JHY: variants seen among roughly 807,000 people sequenced by gnomAD.
The protein encoded by JHY is jhy protein homolog.
A neutral mutation model predicts 78.0 loss-of-function variants in JHY; 69 were observed. That is an observed-to-expected ratio of 0.88 (90% CI 0.73 to 1.08). The LOEUF is 1.08. Ranked by LOEUF, JHY falls within the 50% of genes least tolerant of loss-of-function variation. JHY has a pLI of 0.00. For synonymous variants in JHY, 368 were observed against 342.6 expected (o/e 1.07, Z -0.82); for missense variants, 944 against 927.8 (o/e 1.02, Z -0.23).
chr11:122,910,262 G>A (rs1038293741), intron 3 of JHY, among the ~76,000 whole-genome samples: 3 of 152,042 alleles, frequency 2.0e-5, no homozygotes, highest in African/African-American at 7.2e-5. Context: ...ATCACTTGAG[G>A]TCACAAGTTT....
chr11:122,894,634 A>G (rs866313663), intron 2 of JHY, among the ~76,000 whole-genome samples: 17 of 152,344 alleles, frequency 1.1e-4, no homozygotes, highest in Middle Eastern at 6.8e-3. Context: ...TTACATTGCA[A>G]TTACAAACAT....
At chr11:122,930,390 T>C (rs1209692950) in intron 4 of JHY, among the ~76,000 whole-genome samples, 3 of 152,190 alleles carry the variant, frequency 2.0e-5, no homozygotes, top group African/African-American at 7.2e-5. Flanking sequence ...AAGAAAGAGA[T>C]AGGATTTAAC....
At position 122,957,476 on chromosome 11, in the gene JHY, T is replaced by C; in HGVS notation, c.2124T>C (p.Ala708=). The part of the protein sequence containing the change: ...PQTEKTQKKS[A]IPRQKALEYA... ...CAGAAAAAACTCAAAAGAAATCTGCTATCCCTCGGCAGAAGGTAAGAAATT... is the reference window on the plus strand; with the variant it reads ...CAGAAAAAACTCAAAAGAAATCTGCCATCCCTCGGCAGAAGGTAAGAAATT... The change falls in exon 8 of 9, where the codon GCT becomes GCC. Residue 708 remains alanine (A), a synonymous_variant. Transcript: ENST00000227349. 1 of 1,534,718 alleles carries C rather than the reference T, an allele frequency of 6.5e-7. No individual in the cohort carries two copies. The highest frequency in any genetic ancestry group is 8.7e-7 in the Non-Finnish European group (1 of 1,152,686).
At chr11:122,934,055 A>G (rs1364000733) in intron 4 of JHY, among the ~76,000 whole-genome samples, 2 of 152,174 alleles carry the variant, frequency 1.3e-5, no homozygotes, top group Non-Finnish European at 2.9e-5. Flanking sequence ...CTAGGCTTAT[A>G]ATCCTAAATT....
chr11:122,954,527 A>G (rs1864152580), intron 6 of JHY, among the ~76,000 whole-genome samples: 2 of 152,228 alleles, frequency 1.3e-5, no homozygotes, highest in Admixed American at 1.3e-4. Context: ...ATTATACCTA[A>G]TATGAGAAAA....
At position 122,885,767 on chromosome 11, in the gene JHY, C is replaced by A; in HGVS notation, c.-83C>A. On this transcript the variant is annotated 5_prime_UTR_variant, in exon 2 of 9. Transcript: ENST00000227349. ...TAAATATATTTTTTTTCAGGTAACGCTTTTGTGAACCACAACTTTAAATAT... is the reference window on the plus strand; with the variant it reads ...TAAATATATTTTTTTTCAGGTAACGATTTTGTGAACCACAACTTTAAATAT... The A allele has an allele frequency of 9.0e-7, 1 of 1,113,176 alleles. No homozygotes were observed. The highest frequency in any genetic ancestry group is 1.3e-6 in the Non-Finnish European group (1 of 772,548). The allele number at this position is 1,113,176 out of a possible 1,614,324, so 69.0% of individuals were successfully genotyped here.
chr11:122,890,517 G>T (rs2135283782), intron 2 of JHY, among the ~76,000 whole-genome samples: 1 of 152,240 alleles, frequency 6.6e-6, no homozygotes, highest in East Asian at 1.9e-4. Flanking sequence ...CTGTTGCAAT[G>T]GATAGGTATT....
intron 4 of JHY, among the ~76,000 whole-genome samples, 157 bp from the exon 5 acceptor site, chr11:122,934,263 C>T (rs1415718953): frequency 1.3e-5 from 2 of 151,910 alleles, no homozygotes; most frequent in African/African-American, 4.8e-5. Context: ...TTGCAGTGAG[C>T]CCAGATCGTG....
chr11:122,895,744 T>C (rs1198925023), intron 2 of JHY, among the ~76,000 whole-genome samples: 4 of 152,228 alleles, frequency 2.6e-5, no homozygotes. Flanking sequence ...AAGAGGTGCA[T>C]GTTTTGTGTG....
rs1864346571 is a variant in JHY, at chr11:122,963,083, T to C, written c.*3638T>C. On this transcript the variant is annotated 3_prime_UTR_variant, in exon 9 of 9. Transcript: ENST00000227349. The stretch of plus-strand genomic sequence containing the variant: ...ACAATCTGCCAACTTCCTTACAACA[T>C]TGATAAAAGTAGAATACACATATAA... Among the ~76,000 whole-genome samples the C allele has an allele frequency of 6.6e-6, 1 of 152,136 alleles. No homozygotes were observed. The highest frequency in any genetic ancestry group is 2.4e-5 in the African/African-American group (1 of 41,434).
At chr11:122,892,965 G>C (rs1206607832) in intron 2 of JHY, among the ~76,000 whole-genome samples, 1 of 152,156 alleles carries the variant, frequency 6.6e-6, no homozygotes, top group Non-Finnish European at 1.5e-5. Flanking sequence ...AATATGCTAG[G>C]ACTATTGAGA....
chr11:122,958,517 G>A (rs759034729), intron 8 of JHY, among the ~76,000 whole-genome samples: 1 of 151,206 alleles, frequency 6.6e-6, no homozygotes, highest in Non-Finnish European at 1.5e-5. Flanking sequence ...GCACTGAGAA[G>A]TCTAGACTTT....
chr11:122,914,434 G>A (rs1863193717), intron 3 of JHY, among the ~76,000 whole-genome samples: 1 of 151,178 alleles, frequency 6.6e-6, no homozygotes, highest in Non-Finnish European at 1.5e-5. Context: ...GTTTTGTTTT[G>A]TTTTTTTGTT....
chr11:122,935,781 G>A lies in JHY; in HGVS notation c.1634+706G>A, dbSNP rs188586197. Among the ~76,000 whole-genome samples the A allele has an allele frequency of 7.0e-4, 106 of 152,244 alleles. No individual in the cohort carries two copies. The highest frequency in any genetic ancestry group is 2.4e-3 in the African/African-American group (101 of 41,544). On this transcript the variant is annotated intron_variant, in intron 5 of 8. Transcript: ENST00000227349. This position sits in a 1 kb window ranked among gnomAD's most constrained non-coding sequence, Gnocchi z 4.5. ...TACAAAAAAATCATCATTTATAGAGGTGACCTAAAAATCCAACAATAGGGA... is the reference window on the plus strand; with the variant it reads ...TACAAAAAAATCATCATTTATAGAGATGACCTAAAAATCCAACAATAGGGA...
At chr11:122,908,691 G>C (rs544273110) in intron 3 of JHY, among the ~76,000 whole-genome samples, 2 of 152,070 alleles carry the variant, frequency 1.3e-5, no homozygotes, top group Non-Finnish European at 2.9e-5. Context: ...GGAGGCTCTT[G>C]GTTTGTTTTG....
At chr11:122,894,687 G>A (rs1862700530) in intron 2 of JHY, among the ~76,000 whole-genome samples, 2 of 152,052 alleles carry the variant, frequency 1.3e-5, no homozygotes, top group African/African-American at 4.8e-5. Context: ...GATTGTTCTT[G>A]AATCAAGACT....
intron 3 of JHY, 58 bp from the exon 4 acceptor site, chr11:122,924,839 A>G (rs1863459047): frequency 7.2e-7 from 1 of 1,387,510 alleles, no homozygotes; most frequent in Non-Finnish European, 1.0e-6. Flanking sequence ...CTTGAGTCCC[A>G]TGGCTCTAAG....
At chr11:122,936,498 GGTA>G (rs1863759520) in intron 5 of JHY, among the ~76,000 whole-genome samples, 1 of 151,238 alleles carries the variant, frequency 6.6e-6, no homozygotes, top group Non-Finnish European at 1.5e-5. Context: ...TTTAGTTTTT[GGTA>G]GATAGATAGA....
intron 4 of JHY, among the ~76,000 whole-genome samples, chr11:122,934,032 T>C (rs1863689954): frequency 6.6e-6 from 1 of 152,176 alleles, no homozygotes; most frequent in African/African-American, 2.4e-5. Flanking sequence ...CATTCTAAGC[T>C]TTCTATTTCT....
Sources: allele counts gnomAD v4.1 joint callset (sites outside exome capture counted in the v4.1 genomes callset), GRCh38; gene constraint gnomAD v4.1.1; non-coding constraint Gnocchi (gnomAD v3.1); transcripts MANE v1.5; gene names NCBI Gene and HGNC (gene_info 2026-07-23, HGNC 2026-07-21).